Variants in DNAH17 observed in about 807,000 individuals in gnomAD.
DNAH17 encodes the protein axonemal beta dynein heavy chain 17.
A neutral mutation model predicts 485.6 loss-of-function variants in DNAH17; 376 were observed. The observed-to-expected ratio is 0.77, with a 90% CI of 0.71 to 0.84. DNAH17 has a LOEUF of 0.84. Among genes scored for constraint, DNAH17 ranks in the 40% least tolerant of loss-of-function variants. DNAH17 has a pLI of 0.00. For synonymous variants in DNAH17, 3,031 were observed against 2,405.9 expected, an observed-to-expected ratio of 1.26 and a Z score of -7.60; for missense variants, 6,370 against 5,839.3, an observed-to-expected ratio of 1.09 and a Z score of -2.96.
In DNAH17 at chr17:78,574,815, C is replaced by G. The variant is rs768939935; in HGVS notation, c.243G>C (p.Lys81Asn). The change falls in exon 2 of 81, where the codon AAG becomes AAC. Residue 81 changes from lysine (K) to asparagine (N), a missense_variant. Transcript: ENST00000389840. ...CCTTGTTGATGTTCTCGGACTTTGTCTTGATGAAGTAAACCCCTTTGGACT... is the reference window on the plus strand; with the variant it reads ...CCTTGTTGATGTTCTCGGACTTTGTGTTGATGAAGTAAACCCCTTTGGACT... ...SLKSKGVYFIKTKSENINKDN... is the reference protein window; with the variant it reads ...SLKSKGVYFINTKSENINKDN... 1.9e-6 allele frequency: 3 copies of G among 1,614,026 alleles called. No individual in the cohort carries two copies. The highest frequency in any genetic ancestry group is 2.5e-6 in the Non-Finnish European group (3 of 1,179,902).
chr17:78,454,809 G>T, intron 63 of DNAH17, 104 bp from the exon 64 acceptor site: 2 of 951,332 alleles, frequency 2.1e-6, no homozygotes, highest in Admixed American at 2.4e-5. Flanking sequence ...GGTTAGGGGT[G>T]GACCAGCAGG....
chr17:78,476,957 C>A (rs1021292810), intron 51 of DNAH17, among the ~76,000 whole-genome samples: 1 of 152,172 alleles, frequency 6.6e-6, no homozygotes, highest in African/African-American at 2.4e-5. Flanking sequence ...GAGTTTTCCT[C>A]ATAGGACAGG....
chr17:78,518,794 C>T (rs907864466), intron 25 of DNAH17, among the ~76,000 whole-genome samples: 5 of 152,246 alleles, frequency 3.3e-5, no homozygotes, highest in African/African-American at 9.6e-5. Context: ...AAGTTATATA[C>T]AGTGTGTTCT....
intron 75 of DNAH17, 100 bp downstream of exon 75, chr17:78,433,929 G>C: frequency 1.2e-6 from 1 of 855,496 alleles, no homozygotes; most frequent in Non-Finnish European, 1.7e-6. Context: ...GGGAAGGAAG[G>C]AGGGAGGGAA....
chr17:78,428,997 C>A, intron 76 of DNAH17, 124 bp downstream of exon 76: 1 of 993,490 alleles, frequency 1.0e-6, no homozygotes, highest in East Asian at 2.4e-5. Context: ...CATTTCTCAT[C>A]CTCTCTTATT....
rs2092317143 is a variant in DNAH17 at position 78,569,391 on chromosome 17, A to G, written c.1181T>C (p.Met394Thr). 2.5e-6 allele frequency: 4 copies of G among 1,613,130 alleles called. No homozygotes were observed. The highest frequency in any genetic ancestry group is 2.2e-5 in the South Asian group (2 of 90,842). The change falls in exon 8 of 81, where the codon ATG (methionine) becomes ACG (threonine). Residue 394 changes from methionine (M) to threonine (T), a missense_variant. Coordinates refer to ENST00000389840, the MANE Select transcript of DNAH17 (RefSeq NM_173628.4). ...YQTYDFCCVNMKLFFKDKEPV... is the reference protein window; with the variant it reads ...YQTYDFCCVNTKLFFKDKEPV... ...AAGGGGTACCTTAAAGAAAAGCTTCATGTTCACGCAGCAGAAGTCGTACGT... is the reference window on the plus strand; with the variant it reads ...AAGGGGTACCTTAAAGAAAAGCTTCGTGTTCACGCAGCAGAAGTCGTACGT...
chr17:78,483,786 G>A (rs906476270), intron 48 of DNAH17, among the ~76,000 whole-genome samples: 1 of 152,134 alleles, frequency 6.6e-6, no homozygotes, highest in Non-Finnish European at 1.5e-5. Flanking sequence ...TTTGGCCTGA[G>A]CTACTTGCTT....
chr17:78,524,295 G>A (rs967650751), intron 25 of DNAH17, among the ~76,000 whole-genome samples: 36 of 152,018 alleles, frequency 2.4e-4, no homozygotes, highest in Non-Finnish European at 1.8e-4. Context: ...ACACCACCAC[G>A]CCCAGTTAAT....
intron 36 of DNAH17, chr17:78,499,318 C>CT (rs2090189220): frequency 2.6e-6 from 1 of 385,778 alleles, no homozygotes; most frequent in African/African-American, 2.7e-5. Context: ...CGAGGAAGAG[C>CT]CATCCTTTCA....
chr17:78,519,535 T>C (rs1168062000), intron 25 of DNAH17, among the ~76,000 whole-genome samples: 1 of 152,146 alleles, frequency 6.6e-6, no homozygotes, highest in Non-Finnish European at 1.5e-5. Context: ...TTTATAAACC[T>C]CTATTATGAC....
chr17:78,573,236 A>G (rs2092385647), intron 2 of DNAH17, among the ~76,000 whole-genome samples: 1 of 152,118 alleles, frequency 6.6e-6, no homozygotes, highest in African/African-American at 2.4e-5. Flanking sequence ...GTGTCCCCCA[A>G]ATCCATCTGC....
rs140045097 is a variant in DNAH17, at chr17:78,434,062, G to A, written c.12192C>T (p.Asn4064=). The change falls in exon 75 of 81, where the codon AAC becomes AAT. Residue 4064 remains asparagine, a synonymous_variant. Transcript: ENST00000389840. ...TGGCCTCCAGGTAGTTGTAGAGCAC[G>A]TTGATGGAGATGGTGAGGTCCCCGT... The part of the protein sequence containing the change: ...FNNGDLTISI[N]VLYNYLEANP... 68 of 1,612,800 alleles carry A rather than the reference G, an allele frequency of 4.2e-5. No homozygotes were observed. In the African/African-American group the frequency reaches 5.3e-4, roughly 13 times the overall value.
intron 16 of DNAH17, among the ~76,000 whole-genome samples, chr17:78,548,404 C>A (rs554404483): frequency 1.3e-5 from 2 of 152,028 alleles, no homozygotes; most frequent in Admixed American, 1.3e-4. Context: ...CGGAGTTTCA[C>A]CGTGTTAGCC....
At chr17:78,520,749 A>T (rs1469328800) in intron 25 of DNAH17, among the ~76,000 whole-genome samples, 4 of 152,240 alleles carry the variant, frequency 2.6e-5, no homozygotes, top group Non-Finnish European at 5.9e-5. Flanking sequence ...AAATGGAGAG[A>T]TACATTATGT....
intron 44 of DNAH17, 48 bp downstream of exon 44, chr17:78,490,651 G>T: frequency 6.4e-7 from 1 of 1,562,006 alleles, no homozygotes; most frequent in South Asian, 1.2e-5. Flanking sequence ...CAACAAGTTC[G>T]TTTTTCCCTG....
chr17:78,533,786 G>A (rs2091302402), intron 19 of DNAH17, among the ~76,000 whole-genome samples: 1 of 152,170 alleles, frequency 6.6e-6, no homozygotes, highest in Non-Finnish European at 1.5e-5. Flanking sequence ...CCAGGTTCAA[G>A]TGATTCTCCT....
intron 62 of DNAH17, among the ~76,000 whole-genome samples, chr17:78,456,482 G>C (rs988885671): frequency 6.6e-6 from 1 of 152,120 alleles, no homozygotes; most frequent in African/African-American, 2.4e-5. Flanking sequence ...AGATACCACA[G>C]AGCACTGTCT....
chr17:78,523,241 C>T (rs770037263), intron 25 of DNAH17, among the ~76,000 whole-genome samples: 7 of 151,950 alleles, frequency 4.6e-5, no homozygotes, highest in Non-Finnish European at 7.4e-5. Context: ...CTGCAACCTC[C>T]GCCTCCCGAG....
At chr17:78,492,855 G>GTT (rs570440887) in intron 41 of DNAH17, 90 bp from the exon 42 acceptor site, 422 of 635,030 alleles carry the variant, frequency 6.6e-4, no homozygotes, top group Non-Finnish European at 8.4e-4. Flanking sequence ...GGCCTGGATG[G>GTT]TTTTTTTTTT....
Sources: gnomAD v4.1 joint callset for allele counts (sites outside exome capture counted in the v4.1 genomes callset) on GRCh38, gnomAD v4.1.1 for gene constraint, MANE v1.5 for transcripts, NCBI Gene and HGNC (gene_info 2026-07-23, HGNC 2026-07-21) for gene names.